Variants in RAB3IL1 observed in about 807,000 individuals in gnomAD.
RAB3IL1 encodes the protein RAB3A interacting protein like 1.
In RAB3IL1, 37 loss-of-function variants were observed where a neutral mutation model predicts 49.2. That is an observed-to-expected ratio of 0.75 (90% confidence interval 0.58 to 0.99). The LOEUF is 0.99. Ranked by LOEUF, RAB3IL1 falls within the 50% of genes least tolerant of loss-of-function variation. RAB3IL1 has a pLI of 0.00. For missense variants in RAB3IL1, 484 were observed against 513.0 expected, an observed-to-expected ratio of 0.94 and a Z score of 0.55; for synonymous variants, 193 against 213.9, an observed-to-expected ratio of 0.90 and a Z score of 0.85.
the RAB3IL1 span, among the ~76,000 whole-genome samples, chr11:61,928,885 A>C: frequency 6.6e-6 from 1 of 152,228 alleles, no homozygotes; most frequent in Non-Finnish European, 1.5e-5. Flanking sequence ...CAGAAACAAC[A>C]CACAACAGAT....
chr11:61,903,877 G>A (rs185139601), intron 7 of RAB3IL1, among the ~76,000 whole-genome samples: 22 of 152,130 alleles, frequency 1.4e-4, no homozygotes, highest in Admixed American at 5.2e-4. Flanking sequence ...AACCTGTGAA[G>A]GCTCTTTATA....
At chr11:61,938,518 G>T in the RAB3IL1 span, among the ~76,000 whole-genome samples, 13 of 152,212 alleles carry the variant, frequency 8.5e-5, no homozygotes, top group Non-Finnish European at 1.6e-4. Flanking sequence ...ATGATAAAAG[G>T]TTCAATTCAT....
chr11:61,904,931 A>G, intron 5 of RAB3IL1, 49 bp from the exon 6 acceptor site: 2 of 1,403,516 alleles, frequency 1.4e-6, no homozygotes, highest in African/African-American at 1.4e-5. Context: ...TACTGGGGCC[A>G]GCATAGAAGA....
At chr11:61,929,776 G>C in the RAB3IL1 span, among the ~76,000 whole-genome samples, 1 of 151,576 alleles carries the variant, frequency 6.6e-6, no homozygotes, top group Non-Finnish European at 1.5e-5. Context: ...AGTAGAGACG[G>C]GGTTTCACCA....
At position 61,917,472 on chromosome 11, in the gene RAB3IL1, C is replaced by A; in HGVS notation, c.-105G>T. ...CTCCGCCAGGGGCCGAGCCGCCCCA[C>A]CGCCTGTCAGCCCTGCCCGCGGCCG... is the stretch of plus-strand genomic sequence containing the variant. On this transcript the variant is annotated 5_prime_UTR_variant, in exon 1 of 10. Coordinates refer to ENST00000394836, the MANE Select transcript of RAB3IL1 (RefSeq NM_013401.4). 8.6e-7 allele frequency: 1 copy of A among 1,157,272 alleles called. No individual in the cohort carries two copies. Among genetic ancestry groups the A allele is most frequent in the South Asian group, 4.2e-5 (1 of 23,738 alleles). The allele number at this position is 1,157,272 out of a possible 1,614,324, so 71.7% of individuals were successfully genotyped here.
At chr11:61,933,901 C>A in the RAB3IL1 span, among the ~76,000 whole-genome samples, 1 of 151,862 alleles carries the variant, frequency 6.6e-6, no homozygotes, top group South Asian at 2.1e-4. Context: ...GCCAAGATTG[C>A]GCCACTGCAC....
chr11:61,942,839 C>T, the RAB3IL1 span, among the ~76,000 whole-genome samples: 2 of 152,016 alleles, frequency 1.3e-5, no homozygotes, highest in Non-Finnish European at 2.9e-5. Flanking sequence ...CACTGAAAAC[C>T]CTACGACAGT....
At chr11:61,918,243 C>T (rs930632080), upstream of RAB3IL1, among the ~76,000 whole-genome samples, 3 of 152,150 alleles carry the variant, frequency 2.0e-5, no homozygotes, top group Admixed American at 2.0e-4. Flanking sequence ...TCCCTCAGTT[C>T]CTCTGTCCCA....
At chr11:61,921,650 T>A (rs1228068682), upstream of RAB3IL1, among the ~76,000 whole-genome samples, 2 of 152,172 alleles carry the variant, frequency 1.3e-5, no homozygotes, top group Non-Finnish European at 2.9e-5. Flanking sequence ...AGTGGCCCTC[T>A]GGGCAGAGGC....
At position 61,915,247 on chromosome 11, in the gene RAB3IL1, G is replaced by A. The variant is rs577816767; in HGVS notation, c.11+2110C>T. On this transcript the variant is annotated intron_variant, in intron 1 of 9. Coordinates refer to ENST00000394836, the MANE Select transcript of RAB3IL1 (RefSeq NM_013401.4). ...AGTGAGCCATACTGAGGATTCTGTG[G>A]GGGTCAGCCTGGCAGCTGGCTCATC... Among the ~76,000 whole-genome samples the A allele has an allele frequency of 2.0e-5, 3 of 152,302 alleles. No homozygotes were observed. In the South Asian group the frequency reaches 6.2e-4, roughly 32 times the overall value.
intron 8 of RAB3IL1, chr11:61,899,606 G>A (rs1008673330): frequency 1.4e-5 from 8 of 564,836 alleles, no homozygotes; most frequent in African/African-American, 1.9e-5. Flanking sequence ...CGCCTGCAGC[G>A]AACGGAGCAG....
At chr11:61,920,944 A>C (rs1486592676), upstream of RAB3IL1, among the ~76,000 whole-genome samples, 18 of 152,172 alleles carry the variant, frequency 1.2e-4, no homozygotes, top group African/African-American at 4.3e-4. Context: ...ACAAACAAAC[A>C]AAAAACTGTT....
the RAB3IL1 span, among the ~76,000 whole-genome samples, chr11:61,942,219 A>G: frequency 6.6e-6 from 1 of 152,192 alleles, no homozygotes; most frequent in African/African-American, 2.4e-5. Flanking sequence ...CTCAAAACAA[A>G]CAAACAAGAT....
At chr11:61,919,045 T>G (rs1468616843), upstream of RAB3IL1, among the ~76,000 whole-genome samples, 1 of 152,210 alleles carries the variant, frequency 6.6e-6, no homozygotes, top group Non-Finnish European at 1.5e-5. Context: ...CAGTTGGTCT[T>G]GAGCAACTGT....
chr11:61,935,232 C>G, the RAB3IL1 span, among the ~76,000 whole-genome samples: 1 of 151,916 alleles, frequency 6.6e-6, no homozygotes, highest in Non-Finnish European at 1.5e-5. Context: ...CCAGCCTGGC[C>G]AAGATGTTGA....
upstream of RAB3IL1, among the ~76,000 whole-genome samples, chr11:61,925,096 C>T (rs958451780): frequency 2.6e-5 from 4 of 152,300 alleles, no homozygotes; most frequent in South Asian, 4.1e-4. Flanking sequence ...ATCCTTGCAG[C>T]GGCCCGACAG....
chr11:61,925,011 C>T (rs185705309), upstream of RAB3IL1, among the ~76,000 whole-genome samples: 253 of 152,298 alleles, frequency 1.7e-3, no homozygotes, highest in Middle Eastern at 3.4e-3. Flanking sequence ...CTGATGACTC[C>T]CTTCCAAGGT....
chr11:61,924,423 G>C (rs765013104), upstream of RAB3IL1, among the ~76,000 whole-genome samples: 23 of 152,216 alleles, frequency 1.5e-4, no homozygotes, highest in Non-Finnish European at 2.9e-4. Flanking sequence ...TGAGAGATTC[G>C]AATTAACCTA....
chr11:61,934,422 G>A, the RAB3IL1 span, among the ~76,000 whole-genome samples: 1 of 54,822 alleles, frequency 1.8e-5, no homozygotes, highest in African/African-American at 7.1e-5. Flanking sequence ...ACATATATAT[G>A]TGTATGTGTG....
Sources: allele counts gnomAD v4.1 joint callset (sites outside exome capture counted in the v4.1 genomes callset), GRCh38; gene constraint gnomAD v4.1.1; transcripts MANE v1.5; gene names NCBI Gene and HGNC (gene_info 2026-07-23, HGNC 2026-07-21).